The following POU2F1 variants were observed in gnomAD, a reference collection of about 807,000 sequenced individuals.
POU2F1 encodes the protein POU domain, class 2, transcription factor 1.
Under a neutral mutation model 84.9 loss-of-function variants are expected in POU2F1, and 16 were observed. The observed-to-expected ratio is 0.19, with a 90% CI of 0.13 to 0.29. The LOEUF (loss-of-function observed/expected upper bound fraction) is 0.29, where lower values mean the gene tolerates loss of function less well. POU2F1 is among the 10% of genes least tolerant of loss of function. POU2F1 has a pLI of 1.00. For missense variants in POU2F1, 738 were observed against 942.6 expected, an observed-to-expected ratio of 0.78 and a Z score of 2.84; for synonymous variants, 368 against 368.3, an observed-to-expected ratio of 1.00 and a Z score of 0.01.
chr1:167,221,871 C>T (rs1014208773), intron 1 of POU2F1, among the ~76,000 whole-genome samples: 1 of 151,866 alleles, frequency 6.6e-6, no homozygotes, highest in Non-Finnish European at 1.5e-5. Flanking sequence ...CAAGTTCCTT[C>T]CGAGGGGATG....
At chr1:167,244,834 GTTC>G (rs930649305) in intron 1 of POU2F1, among the ~76,000 whole-genome samples, 44 of 152,254 alleles carry the variant, frequency 2.9e-4, no homozygotes, top group African/African-American at 1.0e-3. Context: ...TCCTTAAAAA[GTTC>G]TTCTCTAGGA....
intron 1 of POU2F1, among the ~76,000 whole-genome samples, chr1:167,301,519 G>A (rs1654701704): frequency 6.6e-6 from 1 of 152,198 alleles, no homozygotes; most frequent in Admixed American, 6.5e-5. Flanking sequence ...TGCCAGCTGT[G>A]CATGTTGCTA....
intron 1 of POU2F1, among the ~76,000 whole-genome samples, chr1:167,285,709 C>G (rs1436984431): frequency 6.6e-6 from 1 of 152,150 alleles, no homozygotes; most frequent in African/African-American, 2.4e-5. Context: ...TTCTTCTCTG[C>G]CGTATCCTGG....
intron 2 of POU2F1, among the ~76,000 whole-genome samples, chr1:167,364,564 T>C (rs200231344): frequency 8.3e-6 from 1 of 120,778 alleles, no homozygotes; most frequent in Non-Finnish European, 1.6e-5. Context: ...ATAACATTTT[T>C]TTTTCTTTCT....
intron 3 of POU2F1, among the ~76,000 whole-genome samples, chr1:167,366,120 GTTCA>G (rs1571378890): frequency 6.6e-6 from 1 of 152,016 alleles, no homozygotes; most frequent in African/African-American, 2.4e-5. Context: ...CATGAATTCT[GTTCA>G]TTCATGCTTT....
intron 1 of POU2F1, among the ~76,000 whole-genome samples, chr1:167,247,523 A>C (rs1462543631): frequency 6.6e-6 from 1 of 152,172 alleles, no homozygotes; most frequent in African/African-American, 2.4e-5. Flanking sequence ...AAACCTGAAA[A>C]TATCCATCCC....
chr1:167,272,497 TCA>T (rs1237689071), intron 1 of POU2F1, among the ~76,000 whole-genome samples: 1 of 151,996 alleles, frequency 6.6e-6, no homozygotes, highest in Non-Finnish European at 1.5e-5. Flanking sequence ...TTTAATTGGC[TCA>T]CAGTTCCACA....
chr1:167,299,695 G>GTTTTTTTTTTTTTTTTTTTTTTTT (rs571000920), intron 1 of POU2F1, among the ~76,000 whole-genome samples: 38 of 139,362 alleles, frequency 2.7e-4, no homozygotes, highest in African/African-American at 9.8e-4. Flanking sequence ...GGAGACCAGA[G>GTTTTTTTTTTTTTTTTTTTTTTTT]TTTTTTTTTT....
rs753770448 is a variant in POU2F1, at chr1:167,399,310, G to A, written c.1394G>A (p.Ser465Asn). Residue 465 changes from serine (S) to asparagine (N), a missense_variant, in exon 12 of 16, where the codon AGT becomes AAT. Physicochemically the swap from Ser to Asn is conservative, Grantham distance 46 (BLOSUM62 1). Transcript: ENST00000367866. ...GAAAAAAGAATCAACCCACCAAGCA[G>A]TGGTGGGACCAGCAGCTCACCTATT... Reference protein sequence around the residue: ...QKEKRINPPSSGGTSSSPIKA... With the variant: ...QKEKRINPPSNGGTSSSPIKA... 1.2e-6 allele frequency: 2 copies of A among 1,614,132 alleles called. No homozygotes were observed. Among genetic ancestry groups the A allele is most frequent in the South Asian group, 2.2e-5 (2 of 91,080 alleles).
intron 1 of POU2F1, among the ~76,000 whole-genome samples, chr1:167,292,996 G>A (rs561506061): frequency 4.1e-4 from 63 of 152,136 alleles, no homozygotes; most frequent in African/African-American, 1.5e-3. Flanking sequence ...GGCATGGAAG[G>A]GACTTTTACC....
intron 1 of POU2F1, among the ~76,000 whole-genome samples, chr1:167,264,977 TC>T (rs1377799505): frequency 6.6e-6 from 1 of 152,144 alleles, no homozygotes; most frequent in African/African-American, 2.4e-5. Flanking sequence ...CTTCCTAACC[TC>T]CTTCAGGTCT....
intron 1 of POU2F1, among the ~76,000 whole-genome samples, chr1:167,313,740 C>T (rs1655661408): frequency 1.3e-5 from 2 of 152,114 alleles, no homozygotes; most frequent in Admixed American, 6.5e-5. Flanking sequence ...GATGAATTGG[C>T]TTATCAAAAT....
Position 167,415,938 on chromosome 1 carries a change from G to GCA in POU2F1, c.*128_*129insCA. On this transcript the variant is annotated 3_prime_UTR_variant, in exon 16 of 16. Transcript: ENST00000367866. ...GTGTTGTGAGGGCAAAGGAGAGAAG[G>GCA]GAGAAAAAAAAAAAAAAACCACACA... 1.6e-6 allele frequency: 1 copy of GCA among 631,306 alleles called. No homozygotes were observed. Among genetic ancestry groups the GCA allele is most frequent in the Non-Finnish European group, 2.5e-6 (1 of 405,318 alleles). The allele number at this position is 631,306 out of a possible 1,614,324, so 39.1% of individuals were successfully genotyped here. A position where few individuals can be genotyped will look rare whatever the true frequency, so the allele number is the denominator to read the frequency against.
intron 2 of POU2F1, among the ~76,000 whole-genome samples, chr1:167,336,564 A>G (rs1160734546): frequency 1.3e-5 from 2 of 152,202 alleles, no homozygotes; most frequent in Non-Finnish European, 2.9e-5. Context: ...TGCTTGATGT[A>G]TACTATAGAT....
At chr1:167,327,392 CA>C (rs1043620104) in intron 1 of POU2F1, among the ~76,000 whole-genome samples, 5 of 152,138 alleles carry the variant, frequency 3.3e-5, no homozygotes, top group Non-Finnish European at 7.4e-5. Flanking sequence ...GTTTCTCCCC[CA>C]AAGTCTCTCC....
At chr1:167,290,414 G>A (rs1653843136) in intron 1 of POU2F1, among the ~76,000 whole-genome samples, 2 of 152,274 alleles carry the variant, frequency 1.3e-5, no homozygotes, top group South Asian at 2.1e-4. Flanking sequence ...AGTGTAGCAC[G>A]AAAACCACAT....
chr1:167,233,289 C>A (rs1047796119), intron 1 of POU2F1, among the ~76,000 whole-genome samples: 2 of 151,690 alleles, frequency 1.3e-5, no homozygotes, highest in East Asian at 1.9e-4. Flanking sequence ...GGCGCACGCA[C>A]CCATGCCCAG....
chr1:167,223,608 C>G (rs1029292568), intron 1 of POU2F1, among the ~76,000 whole-genome samples: 1 of 151,958 alleles, frequency 6.6e-6, no homozygotes, highest in Admixed American at 6.6e-5. Flanking sequence ...GGACTTTGGT[C>G]TTCAGTTTAA....
rs965013998 is a variant in POU2F1, at chr1:167,426,678, G to A, written c.*10868G>A. 2 of 152,158 alleles carry A rather than the reference G, an allele frequency of 1.3e-5. No individual in the cohort carries two copies. The highest frequency in any genetic ancestry group is 2.9e-5 in the Non-Finnish European group (2 of 68,024). 9.4% of individuals were successfully genotyped at this position (152,158 alleles called of 1,614,324 possible). A position where few individuals can be genotyped will look rare whatever the true frequency, so the allele number is the denominator to read the frequency against. On this transcript the variant is annotated 3_prime_UTR_variant, in exon 16 of 16. Transcript: ENST00000367866. ...TGTTGTCAAAGGAGGGGCACAAGGG[G>A]AATTGGCCCCCGGCCTCCTAGAACT...
Sources: gnomAD v4.1 joint callset for allele counts (sites outside exome capture counted in the v4.1 genomes callset) on GRCh38, gnomAD v4.1.1 for gene constraint, MANE v1.5 for transcripts, NCBI Gene and HGNC (gene_info 2026-07-23, HGNC 2026-07-21) for gene names.